The following CDK6 variants were observed in gnomAD, a reference collection of about 807,000 sequenced individuals.
The protein encoded by CDK6 is cyclin-dependent kinase 6.
CDK6 carries 6 observed loss-of-function variants against 37.1 expected under a neutral mutation model. The ratio of observed to expected loss-of-function variants is 0.16; its 90% CI spans 0.09 to 0.32. The LOEUF (loss-of-function observed/expected upper bound fraction) is 0.32, where lower values mean the gene tolerates loss of function less well. Among genes scored for constraint, CDK6 ranks in the 10% least tolerant of loss-of-function variants. The probability of loss-of-function intolerance (pLI) is 1.00; values close to 1 mark genes in which losing one functional copy is unlikely to be tolerated. For missense variants in CDK6, 224 were observed against 418.9 expected (o/e 0.53, Z 4.06); for synonymous variants, 160 against 161.3 (o/e 0.99, Z 0.06).
chr7:92,763,845 G>A (rs1351885190), intron 3 of CDK6, among the ~76,000 whole-genome samples: 2 of 152,238 alleles, frequency 1.3e-5, no homozygotes, highest in East Asian at 3.9e-4. Context: ...TGCAGTGTCT[G>A]GTGTCACCAG....
chr7:92,720,824 A>G (rs1386200967), intron 4 of CDK6, among the ~76,000 whole-genome samples: 1 of 152,148 alleles, frequency 6.6e-6, no homozygotes, highest in African/African-American at 2.4e-5. Context: ...TTGACTTCAG[A>G]GTGACTCTAA....
intron 2 of CDK6, among the ~76,000 whole-genome samples, chr7:92,775,261 A>G (rs1254322634): frequency 6.6e-6 from 1 of 152,200 alleles, no homozygotes; most frequent in African/African-American, 2.4e-5. Context: ...TGTAATCAAG[A>G]TTTTCCTGGA....
intron 3 of CDK6, among the ~76,000 whole-genome samples, chr7:92,753,501 ATTT>A (rs1357462400): frequency 2.0e-5 from 3 of 151,408 alleles, no homozygotes; most frequent in African/African-American, 7.3e-5. Context: ...TTATTTATTT[ATTT>A]ATTTTTGAGA....
At chr7:92,766,060 G>T (rs1362135876) in intron 3 of CDK6, among the ~76,000 whole-genome samples, 1 of 152,120 alleles carries the variant, frequency 6.6e-6, no homozygotes, top group African/African-American at 2.4e-5. Flanking sequence ...AAGGCAGGGG[G>T]TGGGGAGCAC....
chr7:92,746,443 C>T (rs546246498), intron 3 of CDK6, among the ~76,000 whole-genome samples: 3 of 152,264 alleles, frequency 2.0e-5, no homozygotes, highest in African/African-American at 4.8e-5. Context: ...GAAAATTCCA[C>T]GTTTAAGTAC....
At chr7:92,639,856 C>T (rs989690494) in intron 5 of CDK6, among the ~76,000 whole-genome samples, 1 of 152,176 alleles carries the variant, frequency 6.6e-6, no homozygotes, top group East Asian at 1.9e-4. Flanking sequence ...ATTTGACTAA[C>T]GGCTCTCAAT....
chr7:92,664,202 A>C (rs577103570), intron 5 of CDK6, among the ~76,000 whole-genome samples: 25 of 152,290 alleles, frequency 1.6e-4, no homozygotes, highest in East Asian at 7.7e-4. Context: ...AGGAAGAAAA[A>C]AAAAACAAAA....
chr7:92,734,862 T>C (rs1798746455), intron 3 of CDK6, among the ~76,000 whole-genome samples: 1 of 152,216 alleles, frequency 6.6e-6, no homozygotes, highest in Non-Finnish European at 1.5e-5. Flanking sequence ...ATGACTATAA[T>C]GAACACTGAC....
At chr7:92,739,973 G>T (rs1383557503) in intron 3 of CDK6, among the ~76,000 whole-genome samples, 2 of 152,062 alleles carry the variant, frequency 1.3e-5, no homozygotes, top group Non-Finnish European at 2.9e-5. Context: ...TGCCCAGGCT[G>T]GTCTAAACAC....
At chr7:92,726,896 C>T (rs1798526938) in intron 3 of CDK6, among the ~76,000 whole-genome samples, 2 of 152,116 alleles carry the variant, frequency 1.3e-5, no homozygotes, top group South Asian at 4.1e-4. Flanking sequence ...GTAACAAAGC[C>T]CACTTTATCA....
chr7:92,732,844 C>G (rs1007019443), intron 3 of CDK6, among the ~76,000 whole-genome samples: 1 of 152,262 alleles, frequency 6.6e-6, no homozygotes, highest in East Asian at 1.9e-4. Flanking sequence ...TGAATGCTAC[C>G]GAGCTGTAGC....
chr7:92,653,326 A>G (rs1796617478), intron 5 of CDK6, among the ~76,000 whole-genome samples: 1 of 152,200 alleles, frequency 6.6e-6, no homozygotes, highest in Non-Finnish European at 1.5e-5. Flanking sequence ...AAGCAGCCCT[A>G]AGAATGCATC....
At chr7:92,628,749 C>T (rs757580602) in intron 5 of CDK6, among the ~76,000 whole-genome samples, 10 of 152,058 alleles carry the variant, frequency 6.6e-5, no homozygotes, top group Non-Finnish European at 1.2e-4. Flanking sequence ...CTTTAATCTG[C>T]CTGTGGCACC....
At chr7:92,764,601 T>C (rs1270585890) in intron 3 of CDK6, among the ~76,000 whole-genome samples, 2 of 152,230 alleles carry the variant, frequency 1.3e-5, no homozygotes, top group Non-Finnish European at 2.9e-5. Context: ...AGGACAATTT[T>C]GCTTCTAGAG....
intron 4 of CDK6, among the ~76,000 whole-genome samples, chr7:92,713,172 T>C (rs1798141489): frequency 6.6e-6 from 1 of 152,194 alleles, no homozygotes; most frequent in African/African-American, 2.4e-5. Flanking sequence ...ATTAACACTT[T>C]ACAATTCACA....
At chr7:92,695,282 AAAAGAAAG>A (rs548127829) in intron 4 of CDK6, among the ~76,000 whole-genome samples, 5 of 149,978 alleles carry the variant, frequency 3.3e-5, no homozygotes, top group African/African-American at 1.2e-4. Context: ...AAAAAAAAAA[AAAAGAAAG>A]AAAGAAAGAA....
At chr7:92,685,042 G>A (rs1797417763) in intron 4 of CDK6, among the ~76,000 whole-genome samples, 1 of 151,990 alleles carries the variant, frequency 6.6e-6, no homozygotes, top group Admixed American at 6.6e-5. Context: ...ACACAGTTTT[G>A]CTGTACTTAC....
At position 92,833,047 on chromosome 7, in the gene CDK6, G is replaced by T; in HGVS notation, c.233+44C>A. ...GGATTCCCGGCTCGGCCCTCCCCGC[G>T]CGCGCGAGGCCCCAGATGGCGAGGG... On this transcript the variant is annotated intron_variant, in intron 2 of 7. Coordinates refer to ENST00000424848, the MANE Select transcript of CDK6 (RefSeq NM_001145306.2). This position sits in a 1 kb window ranked among gnomAD's most constrained non-coding sequence, Gnocchi z 6.1. 3 of 1,382,136 alleles carry T rather than the reference G, an allele frequency of 2.2e-6. No homozygotes were observed. The allele number at this position is 1,382,136 out of a possible 1,614,324, so 85.6% of individuals were successfully genotyped here.
At position 92,747,126 on chromosome 7, in the gene CDK6, A is replaced by G. The variant is rs76535809; in HGVS notation, c.370-21333T>C. Among the ~76,000 whole-genome samples the G allele has an allele frequency of 2.2e-4, 34 of 152,290 alleles. 1 individual carries two copies. The East Asian group carries it at 6.6e-3, about 29-fold the overall frequency. On this transcript the variant is annotated intron_variant, in intron 3 of 7. Coordinates refer to ENST00000424848, the MANE Select transcript of CDK6 (RefSeq NM_001145306.2). ...ATTCCAGGCCAAATTCAACAAGACT[A>G]AACTATATAATCACCTTCCCCAAAC...
Sources: gnomAD v4.1 joint callset for allele counts (sites outside exome capture counted in the v4.1 genomes callset) on GRCh38, gnomAD v4.1.1 for gene constraint, Gnocchi (gnomAD v3.1) non-coding constraint, MANE v1.5 for transcripts, NCBI Gene and HGNC (gene_info 2026-07-23, HGNC 2026-07-21) for gene names.